The following TANC1 variants were observed in gnomAD, a reference collection of about 807,000 sequenced individuals.
TANC1 encodes tetratricopeptide repeat, ankyrin repeat and coiled-coil containing 1.
In TANC1, 77 loss-of-function variants were observed where a neutral mutation model predicts 149.7. That is an observed-to-expected ratio of 0.51 (90% CI 0.43 to 0.62). The LOEUF (loss-of-function observed/expected upper bound fraction) is 0.62, where lower values mean the gene tolerates loss of function less well. Among genes scored for constraint, TANC1 ranks in the 20% least tolerant of loss-of-function variants. The probability of loss-of-function intolerance (pLI) is 0.00; values close to 1 mark genes in which losing one functional copy is unlikely to be tolerated. For missense variants in TANC1, 1,985 were observed against 2,321.8 expected (o/e 0.85, Z 2.98); for synonymous variants, 854 against 925.0 (o/e 0.92, Z 1.39).
intron 18 of TANC1, among the ~76,000 whole-genome samples, chr2:159,197,869 T>C: frequency 6.6e-6 from 1 of 152,182 alleles, no homozygotes; most frequent in Non-Finnish European, 1.5e-5. Context: ...GTTAGTTTCC[T>C]AATGCCATTA....
chr2:159,206,242 G>A (rs1221703982), intron 19 of TANC1, among the ~76,000 whole-genome samples: 1 of 152,176 alleles, frequency 6.6e-6, no homozygotes, highest in Non-Finnish European at 1.5e-5. Flanking sequence ...ACATGGAAGG[G>A]GTAACAGGGC....
intron 1 of TANC1, among the ~76,000 whole-genome samples, chr2:158,995,385 G>A (rs1421965568): frequency 6.6e-6 from 1 of 152,190 alleles, no homozygotes; most frequent in Non-Finnish European, 1.5e-5. Context: ...CCAGTGGAGT[G>A]TAAATTCCAA....
At chr2:159,044,065 T>C (rs1181070476) in intron 2 of TANC1, among the ~76,000 whole-genome samples, 1 of 152,192 alleles carries the variant, frequency 6.6e-6, no homozygotes, top group Non-Finnish European at 1.5e-5. Flanking sequence ...TTGTGTGGCT[T>C]TAGGAACTTG....
intron 7 of TANC1, among the ~76,000 whole-genome samples, chr2:159,159,512 G>A (rs1459917081): frequency 6.6e-6 from 1 of 151,708 alleles, no homozygotes; most frequent in Non-Finnish European, 1.5e-5. Flanking sequence ...GCAGAGCAAA[G>A]CATTTGATGA....
intron 4 of TANC1, among the ~76,000 whole-genome samples, chr2:159,128,389 AT>A (rs1158646233): frequency 6.6e-6 from 1 of 152,114 alleles, no homozygotes; most frequent in Non-Finnish European, 1.5e-5. Context: ...GCGTTTTGTC[AT>A]TCCCTGGAGG....
At chr2:159,219,445 A>C in intron 21 of TANC1, 84 bp downstream of exon 21, 3 of 1,573,504 alleles carry the variant, frequency 1.9e-6, no homozygotes, top group Non-Finnish European at 2.6e-6. Flanking sequence ...TTCTGATTCA[A>C]ATTCTAAGTT....
intron 19 of TANC1, among the ~76,000 whole-genome samples, chr2:159,211,887 A>G (rs999634702): frequency 4.6e-5 from 7 of 152,238 alleles, no homozygotes; most frequent in African/African-American, 9.6e-5. Flanking sequence ...GGAGTCACCA[A>G]ATACATAGCA....
chr2:159,170,063 A>G (rs774180196), intron 9 of TANC1, among the ~76,000 whole-genome samples: 122 of 152,078 alleles, frequency 8.0e-4, no homozygotes, highest in Non-Finnish European at 1.7e-3. Flanking sequence ...TGTGTGAGGT[A>G]CACAGCAGCC....
At chr2:159,136,385 C>A in intron 5 of TANC1, 87 bp downstream of exon 5, 1 of 811,384 alleles carries the variant, frequency 1.2e-6, no homozygotes, top group Non-Finnish European at 2.2e-6. Context: ...AGTGTCCTTG[C>A]AGTACTGCTT....
chr2:159,170,439 G>A (rs62171122), intron 9 of TANC1, 85 bp from the exon 10 acceptor site: 50,263 of 1,269,192 alleles, frequency 0.04, 1,222 homozygotes, highest in Non-Finnish European at 0.047. Context: ...TAAGGATTTA[G>A]TGTAACACAC....
At chr2:159,151,919 T>G (rs1007146318) in intron 7 of TANC1, among the ~76,000 whole-genome samples, 6 of 152,254 alleles carry the variant, frequency 3.9e-5, no homozygotes, top group Non-Finnish European at 5.9e-5. Context: ...GTTGTGCAAC[T>G]GTCACCACTA....
chr2:159,127,282 G>A lies in TANC1; in HGVS notation c.260-8912G>A, dbSNP rs137877793. Among the ~76,000 whole-genome samples the A allele has an allele frequency of 5.1e-3, 774 of 152,256 alleles. 11 individuals carry two copies. Among genetic ancestry groups the A allele is most frequent in the African/African-American group, 0.018 (736 of 41,550 alleles). ...AATGAGATACCATCTCATGTCAGTC[G>A]GAATGGCGGTTATTAAAAAGCCAAG... On this transcript the variant is annotated intron_variant, in intron 4 of 26. Coordinates refer to ENST00000263635, the MANE Select transcript of TANC1 (RefSeq NM_033394.3).
intron 3 of TANC1, among the ~76,000 whole-genome samples, chr2:159,087,959 A>C (rs1302664544): frequency 1.3e-5 from 2 of 150,826 alleles, no homozygotes. Flanking sequence ...TGAATCTATA[A>C]TCCAAGGAAT....
intron 1 of TANC1, among the ~76,000 whole-genome samples, chr2:158,983,623 AC>A (rs1481530868): frequency 1.3e-5 from 2 of 152,090 alleles, no homozygotes; most frequent in East Asian, 3.8e-4. Context: ...AGCTCCTCAG[AC>A]TTTTGTAATG....
At chr2:159,054,488 G>C (rs2041703428) in intron 2 of TANC1, among the ~76,000 whole-genome samples, 1 of 152,180 alleles carries the variant, frequency 6.6e-6, no homozygotes, top group Non-Finnish European at 1.5e-5. Flanking sequence ...ACCTTGTTCA[G>C]CAAGTGGAGG....
At chr2:159,025,323 C>G (rs540489784) in intron 2 of TANC1, among the ~76,000 whole-genome samples, 86 of 151,004 alleles carry the variant, frequency 5.7e-4, no homozygotes, top group Non-Finnish European at 9.4e-4. Context: ...AAAACCTACT[C>G]TCTTAACAAA....
At chr2:158,985,158 A>G (rs564793615) in intron 1 of TANC1, among the ~76,000 whole-genome samples, 12 of 152,150 alleles carry the variant, frequency 7.9e-5, no homozygotes, top group Non-Finnish European at 1.5e-4. Context: ...GAGGAAGAGA[A>G]CTAATGCCAG....
chr2:158,981,491 TTATATA>T (rs10602195), intron 1 of TANC1, among the ~76,000 whole-genome samples: 2,898 of 33,898 alleles, frequency 0.085, 91 homozygotes, highest in African/African-American at 0.099. Flanking sequence ...TATATAGCTT[TTATATA>T]TATATATATA....
At chr2:159,064,303 A>G (rs1208912210) in intron 2 of TANC1, among the ~76,000 whole-genome samples, 2 of 152,174 alleles carry the variant, frequency 1.3e-5, no homozygotes, top group Non-Finnish European at 2.9e-5. Context: ...ACCAGGGTTT[A>G]TTCAAGCAGC....
Sources: allele counts gnomAD v4.1 joint callset (sites outside exome capture counted in the v4.1 genomes callset), GRCh38; gene constraint gnomAD v4.1.1; transcripts MANE v1.5; gene names NCBI Gene and HGNC (gene_info 2026-07-23, HGNC 2026-07-21).